Variants in PTBP3 observed in about 807,000 individuals in gnomAD.
PTBP3 encodes polypyrimidine tract binding protein 3, also known as polypyrimidine tract-binding protein 3.
In PTBP3, 20 loss-of-function variants were observed where a neutral mutation model predicts 58.7. The observed-to-expected ratio is 0.34, with a 90% CI of 0.24 to 0.50. The LOEUF (loss-of-function observed/expected upper bound fraction) is 0.50. Among genes scored for constraint, PTBP3 ranks in the 20% least tolerant of loss-of-function variants. PTBP3 has a pLI of 0.98. For missense variants in PTBP3, 509 were observed against 637.2 expected (o/e 0.80, Z 2.17); for synonymous variants, 185 against 219.8 (o/e 0.84, Z 1.40).
chr9:112,266,112 T>C (rs143669830), intron 4 of PTBP3, among the ~76,000 whole-genome samples: 3 of 152,166 alleles, frequency 2.0e-5, no homozygotes, highest in African/African-American at 7.2e-5. Context: ...GAGGAAGGAA[T>C]AGGGAGTTAC....
At chr9:112,231,278 C>T in intron 10 of PTBP3, 102 bp downstream of exon 10, 2 of 891,848 alleles carry the variant, frequency 2.2e-6, no homozygotes, top group Non-Finnish European at 3.3e-6. Flanking sequence ...AGTGTCAGCA[C>T]AATACTTGGC....
intron 7 of PTBP3, among the ~76,000 whole-genome samples, chr9:112,245,771 AC>A (rs1460877238): frequency 6.6e-6 from 1 of 152,190 alleles, no homozygotes; most frequent in East Asian, 1.9e-4. Flanking sequence ...TCAAAAGGCC[AC>A]AGAGCCAGTG....
intron 5 of PTBP3, among the ~76,000 whole-genome samples, chr9:112,257,526 T>C (rs1836420617): frequency 1.3e-5 from 2 of 152,218 alleles, no homozygotes; most frequent in South Asian, 4.1e-4. Context: ...TTTCAGACTG[T>C]AACACAGGAC....
chr9:112,253,547 T>C (rs555696667), intron 5 of PTBP3, among the ~76,000 whole-genome samples: 2 of 152,270 alleles, frequency 1.3e-5, no homozygotes, highest in East Asian at 3.9e-4. Flanking sequence ...ATAGGGGGGA[T>C]AAAACAACAA....
At chr9:112,224,101 T>C (rs1265558495) in intron 13 of PTBP3, 32 bp downstream of exon 13, 5 of 1,552,564 alleles carry the variant, frequency 3.2e-6, no homozygotes, top group Non-Finnish European at 4.4e-6. Flanking sequence ...TATTAAATAA[T>C]TTTAATGTAT....
chr9:112,258,092 T>A (rs950119270), intron 5 of PTBP3, among the ~76,000 whole-genome samples: 1 of 152,216 alleles, frequency 6.6e-6, no homozygotes, highest in African/African-American at 2.4e-5. Flanking sequence ...ATTCTTTTAT[T>A]TAGTACCATA....
chr9:112,267,722 T>A (rs1827156455), intron 4 of PTBP3, among the ~76,000 whole-genome samples: 1 of 138,764 alleles, frequency 7.2e-6, no homozygotes, highest in Non-Finnish European at 1.6e-5. Context: ...AATTTCTCAA[T>A]GCTTTTGTTA....
intron 1 of PTBP3, among the ~76,000 whole-genome samples, chr9:112,307,880 C>G (rs1829291189): frequency 6.6e-6 from 1 of 152,216 alleles, no homozygotes; most frequent in Non-Finnish European, 1.5e-5. Flanking sequence ...CCACATGCGG[C>G]ACAGGATGGC....
chr9:112,287,820 A>G (rs1828212415), intron 2 of PTBP3, among the ~76,000 whole-genome samples: 1 of 152,020 alleles, frequency 6.6e-6, no homozygotes, highest in African/African-American at 2.4e-5. Flanking sequence ...ATTTTCCTTT[A>G]AATACTTGAA....
At chr9:112,225,084 G>T (rs7041185) in intron 12 of PTBP3, among the ~76,000 whole-genome samples, 82,272 of 151,990 alleles carry the variant, frequency 0.54, 23,432 homozygotes, top group African/African-American at 0.74. Flanking sequence ...TTACTACTGT[G>T]TTAAGCTGTG....
intron 4 of PTBP3, among the ~76,000 whole-genome samples, chr9:112,263,277 A>G (rs1180591947): frequency 1.3e-5 from 2 of 152,212 alleles, no homozygotes; most frequent in Admixed American, 6.5e-5. Context: ...CCATACCGAT[A>G]TAAATCAACA....
chr9:112,327,912 G>C (rs1412616948), intron 1 of PTBP3, among the ~76,000 whole-genome samples: 1 of 152,072 alleles, frequency 6.6e-6, no homozygotes. Context: ...ATTTCTGAGA[G>C]CTTATTATGT....
At chr9:112,228,241 T>C in intron 11 of PTBP3, 139 bp downstream of exon 11, 1 of 581,896 alleles carries the variant, frequency 1.7e-6, no homozygotes, top group Non-Finnish European at 3.0e-6. Context: ...TATAGACAGA[T>C]GCAAATAATA....
Position 112,235,409 on chromosome 9 carries a change from G to A in PTBP3, c.803-512C>T, listed in dbSNP as rs61309358. Among the ~76,000 whole-genome samples, 36 of 152,272 alleles carry A rather than the reference G, an allele frequency of 2.4e-4. No individual in the cohort carries two copies. The East Asian group carries it at 5.6e-3, about 24-fold the overall frequency. ...GTGACTGGTCAGAGAAGTTTTCACT[G>A]GAGGTAAAACCTGAGCCAGATATTA... On this transcript the variant is annotated intron_variant, in intron 7 of 13. Coordinates refer to ENST00000374257, the MANE Select transcript of PTBP3 (RefSeq NM_001163788.4).
chr9:112,228,505 C>T (rs1357133242), intron 10 of PTBP3, 33 bp from the exon 11 acceptor site: 13 of 1,397,528 alleles, frequency 9.3e-6, no homozygotes, highest in Admixed American at 2.2e-5. Flanking sequence ...CTGTGTTTAA[C>T]GTCTGATTGT....
chr9:112,221,281 TCACACACA>T lies in PTBP3; in HGVS notation c.*2562_*2569del. ...TACACTTATCTACACACACACACAT[TCACACACA>T]CACACAAACACACCCCTACACAAAT... On this transcript the variant is annotated 3_prime_UTR_variant, in exon 14 of 14. Coordinates refer to ENST00000374257, the MANE Select transcript of PTBP3 (RefSeq NM_001163788.4). 1 of 979,426 alleles carries T rather than the reference TCACACACA, an allele frequency of 1.0e-6. No individual in the cohort carries two copies. The allele number at this position is 979,426 out of a possible 1,614,324, so 60.7% of individuals were successfully genotyped here. A position where few individuals can be genotyped will look rare whatever the true frequency, so the allele number is the denominator to read the frequency against.
chr9:112,334,127 G>A (rs1337107708), upstream of PTBP3, among the ~76,000 whole-genome samples: 1 of 151,902 alleles, frequency 6.6e-6, no homozygotes, highest in Non-Finnish European at 1.5e-5. Context: ...GACACGTCCA[G>A]GGACCAGCCT....
At chr9:112,309,399 T>C (rs1030188810) in intron 1 of PTBP3, among the ~76,000 whole-genome samples, 1 of 152,212 alleles carries the variant, frequency 6.6e-6, no homozygotes. Flanking sequence ...GTATTGATTA[T>C]GGTCTCCTGA....
intron 7 of PTBP3, among the ~76,000 whole-genome samples, chr9:112,236,892 T>C (rs1317841339): frequency 2.0e-5 from 3 of 151,472 alleles, no homozygotes; most frequent in African/African-American, 7.3e-5. Flanking sequence ...AAAAGGCAAG[T>C]GGAGGATGGC....
Sources: gnomAD v4.1 joint callset for allele counts (sites outside exome capture counted in the v4.1 genomes callset) on GRCh38, gnomAD v4.1.1 for gene constraint, MANE v1.5 for transcripts, NCBI Gene and HGNC (gene_info 2026-07-23, HGNC 2026-07-21) for gene names.